NSL1: variants seen among roughly 807,000 people sequenced by gnomAD.
The protein encoded by NSL1 is NSL1 component of MIS12 kinetochore complex.
NSL1 carries 11 observed loss-of-function variants against 25.4 expected under a neutral mutation model. That is an observed-to-expected ratio of 0.43 (90% confidence interval 0.27 to 0.72). The LOEUF (loss-of-function observed/expected upper bound fraction) is 0.72. Ranked by LOEUF, NSL1 falls within the 30% of genes least tolerant of loss-of-function variation. The probability of loss-of-function intolerance (pLI) is 0.19; values close to 1 mark genes in which losing one functional copy is unlikely to be tolerated. For missense variants in NSL1, 330 were observed against 342.7 expected (o/e 0.96, Z 0.29); for synonymous variants, 118 against 120.6 (o/e 0.98, Z 0.14).
intron 1 of NSL1, among the ~76,000 whole-genome samples, chr1:212,790,322 C>G (rs996623360): frequency 3.3e-5 from 5 of 152,086 alleles, no homozygotes; most frequent in Non-Finnish European, 7.4e-5. Flanking sequence ...CCACCGCGCC[C>G]GACCCCTTTT....
chr1:212,780,500 TAAAAAAA>T (rs1285748863), intron 4 of NSL1, among the ~76,000 whole-genome samples: 1 of 80,462 alleles, frequency 1.2e-5, no homozygotes. Context: ...GAATGATCAA[TAAAAAAA>T]AAAAAAAAGG....
rs1188303200 is a variant in NSL1 at position 212,731,304 on chromosome 1, C to A, written c.*7104G>T. 7.1e-6 allele frequency: 7 copies of A among 984,064 alleles called. No homozygotes were observed. The highest frequency in any genetic ancestry group is 7.2e-6 in the Non-Finnish European group (6 of 829,020). The allele number at this position is 984,064 out of a possible 1,614,324, so 61.0% of individuals were successfully genotyped here. On this transcript the variant is annotated 3_prime_UTR_variant, in exon 6 of 6. Coordinates refer to ENST00000366977, the MANE Select transcript of NSL1 (RefSeq NM_015471.4). ...GGTGCAGTGGCTCATTCCTGTAATC[C>A]CAGCACTTTGGGAAGCTGAGGCAGG...
chr1:212,730,447 G>C lies in NSL1; in HGVS notation c.*7961C>G. On this transcript the variant is annotated 3_prime_UTR_variant, in exon 6 of 6. Coordinates refer to ENST00000366977, the MANE Select transcript of NSL1 (RefSeq NM_015471.4). The stretch of plus-strand genomic sequence containing the variant: ...AGGGAGGTCTTAAAATCTGCAACTA[G>C]GTATGAGCCCAAAGGCACTGGAGCC... 4.1e-6 allele frequency: 4 copies of C among 985,264 alleles called. No homozygotes were observed. The highest frequency in any genetic ancestry group is 4.7e-5 in the South Asian group (1 of 21,278). The allele number at this position is 985,264 out of a possible 1,614,324, so 61.0% of individuals were successfully genotyped here.
intron 4 of NSL1, among the ~76,000 whole-genome samples, chr1:212,767,521 A>G (rs1659876096): frequency 6.6e-6 from 1 of 152,258 alleles, no homozygotes; most frequent in Non-Finnish European, 1.5e-5. Context: ...CAAAGAATTC[A>G]TGACTAACAC....
rs1019765702 is a variant in NSL1, at chr1:212,726,316, T to A, written c.*12092A>T. Reference sequence around the variant, plus strand: ...CCCCATAAACAACTACTCTACTCAGTAGGAAGAAAAAAACCCACAAAACAA... The same window carrying A: ...CCCCATAAACAACTACTCTACTCAGAAGGAAGAAAAAAACCCACAAAACAA... On this transcript the variant is annotated 3_prime_UTR_variant, in exon 6 of 6. Coordinates refer to ENST00000366977, the MANE Select transcript of NSL1 (RefSeq NM_015471.4). The A allele has an allele frequency of 1.3e-5, 2 of 152,104 alleles. No homozygotes were observed. The highest frequency in any genetic ancestry group is 2.4e-5 in the African/African-American group (1 of 41,390). The allele number at this position is 152,104 out of a possible 1,614,324, so 9.4% of individuals were successfully genotyped here.
At chr1:212,756,991 G>C (rs1013467110) in intron 4 of NSL1, among the ~76,000 whole-genome samples, 4 of 152,170 alleles carry the variant, frequency 2.6e-5, no homozygotes, top group African/African-American at 9.7e-5. Flanking sequence ...TATGATCAAG[G>C]GAGTCATAAG....
In NSL1 at chr1:212,737,323, T is replaced by C. The variant is rs900697688; in HGVS notation, c.*1085A>G. The C allele has an allele frequency of 5.1e-6, 5 of 985,112 alleles. No homozygotes were observed. Among genetic ancestry groups the C allele is most frequent in the African/African-American group, 1.7e-5 (1 of 57,264 alleles). 61.0% of individuals were successfully genotyped at this position (985,112 alleles called of 1,614,324 possible). On this transcript the variant is annotated 3_prime_UTR_variant, in exon 6 of 6. Coordinates refer to ENST00000366977, the MANE Select transcript of NSL1 (RefSeq NM_015471.4). The stretch of plus-strand genomic sequence containing the variant: ...GACTTCTGGTGAATCTAGACATTTA[T>C]GATTATTAATACATAATAAGCAAGA...
intron 1 of NSL1, among the ~76,000 whole-genome samples, 195 bp downstream of exon 1, chr1:212,791,335 G>A (rs372185252): frequency 6.6e-6 from 1 of 152,196 alleles, no homozygotes; most frequent in South Asian, 2.1e-4. Context: ...GACAGCGCTG[G>A]TCTAAGTAAT....
chr1:212,744,154 C>T (rs996224544), intron 4 of NSL1, among the ~76,000 whole-genome samples: 1 of 152,082 alleles, frequency 6.6e-6, no homozygotes, highest in Admixed American at 6.5e-5. Context: ...AGGCAAAGGC[C>T]GTTATGAACT....
chr1:212,777,331 C>T (rs893535717), intron 4 of NSL1, among the ~76,000 whole-genome samples: 3 of 151,682 alleles, frequency 2.0e-5, no homozygotes, highest in Non-Finnish European at 2.9e-5. Flanking sequence ...GAGCCATGAT[C>T]ATACCACTGC....
In NSL1 at chr1:212,738,427, T is replaced by C. The variant is rs529773006; in HGVS notation, c.827A>G (p.Lys276Arg). The C allele has an allele frequency of 6.2e-7, 1 of 1,611,550 alleles. No homozygotes were observed. The highest frequency in any genetic ancestry group is 1.7e-5 in the Admixed American group (1 of 59,448). The change falls in exon 6 of 6, where the codon AAA becomes AGA. Residue 276 changes from lysine to arginine, a missense_variant. Transcript: ENST00000366977. ...AAGAGCTCATGTATCAAGATTAATTTTCTTTGGCCGCAATGGATACCATTT... is the reference window on the plus strand; with the variant it reads ...AAGAGCTCATGTATCAAGATTAATTCTCTTTGGCCGCAATGGATACCATTT... ...QRKWYPLRPK[K>R]INLDT
In NSL1 at chr1:212,779,299, C is replaced by T. The variant is rs558599049; in HGVS notation, c.499+3073G>A. 3.5e-3 allele frequency among the ~76,000 whole-genome samples: 504 copies of T among 145,272 alleles called. 6 individuals carry two copies. The highest frequency in any genetic ancestry group is 0.012 in the African/African-American group (473 of 39,626). The stretch of plus-strand genomic sequence containing the variant: ...CGGAGGGAGGTGGGGGTCAGCCCCC[C>T]GCCCAGCCAGCCGCCCCGTCCGGGA... On this transcript the variant is annotated intron_variant, in intron 4 of 5. Transcript: ENST00000366977.
In NSL1 at chr1:212,734,954, G is replaced by A. The variant is rs1376499755; in HGVS notation, c.*3454C>T. On this transcript the variant is annotated 3_prime_UTR_variant, in exon 6 of 6. Coordinates refer to ENST00000366977, the MANE Select transcript of NSL1 (RefSeq NM_015471.4). ...AAAAGAAGTAATAACAGTGATCATAGAGTACTCATATGCACCAGTTATTAG... is the reference window on the plus strand; with the variant it reads ...AAAAGAAGTAATAACAGTGATCATAAAGTACTCATATGCACCAGTTATTAG... Among the ~76,000 whole-genome samples the A allele has an allele frequency of 2.6e-5, 4 of 152,196 alleles. No homozygotes were observed. Among genetic ancestry groups the A allele is most frequent in the Non-Finnish European group, 5.9e-5 (4 of 68,040 alleles).
chr1:212,787,596 C>A lies in NSL1; in HGVS notation c.276G>T (p.Gly92=), dbSNP rs34750293. The part of the protein sequence containing the change: ...SAVQENISIN[G]QAWQEASDNC... ...TATCTGAAGCTTCCTGCCATGCTTG[C>A]CCATTAATGCTGATATTCTCTTGCA... The change falls in exon 2 of 6, where the codon GGG becomes GGT. Residue 92 remains glycine (G), a synonymous_variant. Transcript: ENST00000366977. 8 of 1,606,770 alleles carry A rather than the reference C, an allele frequency of 5.0e-6. No individual in the cohort carries two copies.
chr1:212,758,016 A>C (rs1032564115), intron 4 of NSL1, among the ~76,000 whole-genome samples: 2 of 152,204 alleles, frequency 1.3e-5, no homozygotes, highest in African/African-American at 4.8e-5. Context: ...ACTGGTCATA[A>C]ACATGCTAAT....
At chr1:212,790,375 A>C (rs1661147420) in intron 1 of NSL1, among the ~76,000 whole-genome samples, 2 of 152,158 alleles carry the variant, frequency 1.3e-5, no homozygotes, top group South Asian at 2.1e-4. Context: ...AGACTAAAAT[A>C]GGTTAAAAAA....
At chr1:212,752,210 G>A (rs1659096209) in intron 4 of NSL1, among the ~76,000 whole-genome samples, 2 of 152,074 alleles carry the variant, frequency 1.3e-5, no homozygotes, top group South Asian at 4.2e-4. Context: ...ATAGATTAAG[G>A]TTTAATAAGC....
intron 4 of NSL1, among the ~76,000 whole-genome samples, chr1:212,762,615 G>C (rs770121724): frequency 9.2e-5 from 14 of 152,256 alleles, no homozygotes; most frequent in African/African-American, 2.9e-4. Flanking sequence ...GCATGAGACA[G>C]GTGAAAAACT....
At position 212,733,433 on chromosome 1, in the gene NSL1, C is replaced by CAAAAAAAAAAAAAAAAAAA. The variant is rs140675222; in HGVS notation, c.*4956_*4974dup. ...GGCAACACAGCAAGACCTTGTTTCA[C>CAAAAAAAAAAAAAAAAAAA]AAAAAAAAAAAAAAAAAAATCCCAT... On this transcript the variant is annotated 3_prime_UTR_variant, in exon 6 of 6. Transcript: ENST00000366977. Among the ~76,000 whole-genome samples the CAAAAAAAAAAAAAAAAAAA allele has an allele frequency of 1.3e-4, 18 of 135,880 alleles. No homozygotes were observed. Among genetic ancestry groups the CAAAAAAAAAAAAAAAAAAA allele is most frequent in the African/African-American group, 4.6e-4 (17 of 37,260 alleles). The allele number at this position is 135,880 out of a possible 152,430, so 89.1% of individuals were successfully genotyped here. A position where few individuals can be genotyped will look rare whatever the true frequency, so the allele number is the denominator to read the frequency against.
Sources: allele counts gnomAD v4.1 joint callset (sites outside exome capture counted in the v4.1 genomes callset), GRCh38; gene constraint gnomAD v4.1.1; transcripts MANE v1.5; gene names NCBI Gene and HGNC (gene_info 2026-07-23, HGNC 2026-07-21).